The following UNKL variants were observed in gnomAD, a reference collection of about 807,000 sequenced individuals.
UNKL encodes the protein unk like zinc finger.
In UNKL, 60 loss-of-function variants were observed where a neutral mutation model predicts 78.0. That is an observed-to-expected ratio of 0.77 (90% confidence interval 0.63 to 0.95). The LOEUF (loss-of-function observed/expected upper bound fraction) is 0.95, where lower values mean the gene tolerates loss of function less well. Ranked by LOEUF, UNKL falls within the 40% of genes least tolerant of loss-of-function variation. The probability of loss-of-function intolerance (pLI) is 0.00; values close to 1 mark genes in which losing one functional copy is unlikely to be tolerated. For synonymous variants in UNKL, 608 were observed against 474.8 expected (o/e 1.28, Z -3.65); for missense variants, 1,159 against 1,045.7 (o/e 1.11, Z -1.49).
At chr16:1,390,851 G>A (rs372736278) in intron 8 of UNKL, among the ~76,000 whole-genome samples, 157 bp from the exon 9 acceptor site, 1 of 152,066 alleles carries the variant, frequency 6.6e-6, no homozygotes, top group African/African-American at 2.4e-5. Context: ...CCAACATGGT[G>A]AAAACCTGTC....
Position 1,399,109 on chromosome 16 carries a change from G to A in UNKL, c.734+265C>T, listed in dbSNP as rs910618650. On this transcript the variant is annotated intron_variant, in intron 5 of 14. Transcript: ENST00000389221. The surrounding 1 kb of genome is among the most constrained non-coding windows in gnomAD (Gnocchi z 5.8). The stretch of plus-strand genomic sequence containing the variant: ...CTTGGGGTCCCTCCTGCAGTGCTCC[G>A]TCCCCTTGCCTGGCAGAGGGGCCCC... The A allele has an allele frequency of 1.1e-5, 13 of 1,208,866 alleles. No homozygotes were observed. Among genetic ancestry groups the A allele is most frequent in the South Asian group, 3.2e-5 (2 of 62,054 alleles). 74.9% of individuals were successfully genotyped at this position (1,208,866 alleles called of 1,614,324 possible). A position where few individuals can be genotyped will look rare whatever the true frequency, so the allele number is the denominator to read the frequency against.
intron 10 of UNKL, among the ~76,000 whole-genome samples, chr16:1,377,086 G>A (rs1596682236): frequency 2.6e-5 from 4 of 151,924 alleles, no homozygotes; most frequent in Admixed American, 6.6e-5. Flanking sequence ...GCAATGGCGC[G>A]ATCTCAGCTC....
In UNKL at chr16:1,370,292, G is replaced by C; in HGVS notation, c.1423C>G (p.Leu475Val). The change falls in exon 12 of 15, where the codon CTA becomes GTA. Residue 475 changes from leucine (L) to valine (V), a missense_variant. Physicochemically the swap from Leu to Val is conservative, Grantham distance 32. Coordinates refer to ENST00000389221, the MANE Select transcript of UNKL (RefSeq NM_001372107.1). The part of the protein sequence containing the change: ...IPGSLPRAPS[L>V]HSPSSASTSP... Reference sequence around the variant, plus strand: ...GTGGACGCAGAGGATGGCGAGTGTAGCGATGGTGCTCTGGGCAGGGAGCCG... The same window carrying C: ...GTGGACGCAGAGGATGGCGAGTGTACCGATGGTGCTCTGGGCAGGGAGCCG... 6.5e-7 allele frequency: 1 copy of C among 1,534,586 alleles called. No individual in the cohort carries two copies. The highest frequency in any genetic ancestry group is 1.4e-5 in the African/African-American group (1 of 73,112).
chr16:1,412,567 G>C (rs2038088336), intron 2 of UNKL, among the ~76,000 whole-genome samples: 1 of 152,260 alleles, frequency 6.6e-6, no homozygotes, highest in Non-Finnish European at 1.5e-5. Flanking sequence ...CCAAGATCAA[G>C]TCACTGCACT....
chr16:1,403,025 C>A lies in UNKL; in HGVS notation c.464+143G>T. 9.0e-7 allele frequency: 1 copy of A among 1,112,982 alleles called. No individual in the cohort carries two copies. The highest frequency in any genetic ancestry group is 1.7e-5 in the South Asian group (1 of 60,410). The allele number at this position is 1,112,982 out of a possible 1,614,324, so 68.9% of individuals were successfully genotyped here. A position where few individuals can be genotyped will look rare whatever the true frequency, so the allele number is the denominator to read the frequency against. ...CAAAAAAAGGACTAACATCCAGACT[C>A]AGAAAGAAATTCTGGAGGAGAGAGA... On this transcript the variant is annotated intron_variant, in intron 3 of 14. Transcript: ENST00000389221. This position sits in a 1 kb window ranked among gnomAD's most constrained non-coding sequence, Gnocchi z 4.8.
chr16:1,366,339 A>G lies in UNKL; in HGVS notation c.2103T>C (p.Gly701=), dbSNP rs1329829940. 1.9e-6 allele frequency: 3 copies of G among 1,604,534 alleles called. No homozygotes were observed. The Admixed American group carries it at 5.1e-5, about 27-fold the overall frequency. ...QCVACRERAH[G]AVLRPCQHHI... is the part of the protein sequence containing the mutation. ...GGTGCTGACAGGGCCGCAGGACAGC[A>G]CCGTGGGCCCGCTCCCGGCAGGCCA... The change falls in exon 15 of 15, where the codon GGT becomes GGC. Residue 701 remains glycine (G), a synonymous_variant. Coordinates refer to ENST00000389221, the MANE Select transcript of UNKL (RefSeq NM_001372107.1).
rs753425895 is a variant in UNKL, at chr16:1,403,296, G to A, written c.336C>T (p.His112=). The change falls in exon 3 of 15, where the codon CAC becomes CAT. Residue 112 remains histidine (H), a synonymous_variant. Transcript: ENST00000389221. The surrounding 1 kb of genome is among the most constrained non-coding windows in gnomAD (Gnocchi z 4.8). Reference sequence around the variant, plus strand: ...AGGTTCCTGTTTTGTAGTAACGCAGGTGGTACTTGCGTTCTGTGTCCCCCG... The same window carrying A: ...AGGTTCCTGTTTTGTAGTAACGCAGATGGTACTTGCGTTCTGTGTCCCCCG... ...RTTGDTERKY[H]LRYYKTGTCI... 1 of 1,614,206 alleles carries A rather than the reference G, an allele frequency of 6.2e-7. No individual in the cohort carries two copies. The highest frequency in any genetic ancestry group is 1.7e-5 in the Admixed American group (1 of 60,022).
chr16:1,371,781 C>T (rs1007075142), intron 10 of UNKL, among the ~76,000 whole-genome samples, 170 bp from the exon 11 acceptor site: 6 of 152,152 alleles, frequency 3.9e-5, no homozygotes, highest in Non-Finnish European at 7.3e-5. Flanking sequence ...TCCTCGCAGC[C>T]CCCCACAGGC....
chr16:1,366,144 A>AC lies in UNKL; in HGVS notation c.*95dup, dbSNP rs1480288552. 155 of 1,355,670 alleles carry AC rather than the reference A, an allele frequency of 1.1e-4. No homozygotes were observed. In the East Asian group the frequency reaches 3.9e-3, roughly 34 times the overall value. The allele number at this position is 1,355,670 out of a possible 1,614,324, so 84.0% of individuals were successfully genotyped here. A position where few individuals can be genotyped will look rare whatever the true frequency, so the allele number is the denominator to read the frequency against. On this transcript the variant is annotated 3_prime_UTR_variant, in exon 15 of 15. Transcript: ENST00000389221. Reference sequence around the variant, plus strand: ...GGAAGGGCTCCCAGCCTCGGTCCTCACGTCGGTGGCACCAGAAGCGAGTGA... The same window carrying AC: ...GGAAGGGCTCCCAGCCTCGGTCCTCACCGTCGGTGGCACCAGAAGCGAGTGA...
chr16:1,367,982 A>G, intron 12 of UNKL, 124 bp from the exon 13 acceptor site: 4 of 864,046 alleles, frequency 4.6e-6, no homozygotes, highest in Non-Finnish European at 7.2e-6. Flanking sequence ...CTGCCCTGGC[A>G]GCAGGGGTGC....
chr16:1,367,166 T>C lies in UNKL; in HGVS notation c.1972A>G (p.Ile658Val), dbSNP rs781523912. The change falls in exon 14 of 15, where the codon ATC becomes GTC. Residue 658 changes from isoleucine to valine, a missense_variant. Ile to Val is a conservative substitution (Grantham distance 29). Coordinates refer to ENST00000389221, the MANE Select transcript of UNKL (RefSeq NM_001372107.1). ...AGCTTCGGCAGGGGAATGGTGCCGATGTCCCCACAGCCCCGCAGCCCCGGC... is the reference window on the plus strand; with the variant it reads ...AGCTTCGGCAGGGGAATGGTGCCGACGTCCCCACAGCCCCGCAGCCCCGGC... ...TLPGLRGCGD[I>V]GTIPLPKLHS... is the part of the protein sequence containing the mutation. 1.1e-5 allele frequency: 18 copies of C among 1,605,430 alleles called. No homozygotes were observed. The highest frequency in any genetic ancestry group is 5.0e-5 in the Admixed American group (3 of 59,458).
In UNKL at chr16:1,414,012, G is replaced by A. The variant is rs1346045636; in HGVS notation, c.121C>T (p.Gln41Ter). ...GGCCGGTGCTGCGCGCACTTGTGCT[G>A]TGAAAACAGGGGGCACTGCTCCGTC... ...FRTEQCPLFS[Q>*]HKCAQHRPFT... The change falls in exon 2 of 15, where the codon CAG becomes TAG. Residue 41 changes from glutamine to a stop codon, truncating the protein, a stop_gained. Coordinates refer to ENST00000389221, the MANE Select transcript of UNKL (RefSeq NM_001372107.1). LOFTEE classifies it high-confidence loss of function. 2 of 1,551,322 alleles carry A rather than the reference G, an allele frequency of 1.3e-6. No individual in the cohort carries two copies. The highest frequency in any genetic ancestry group is 1.7e-6 in the Non-Finnish European group (2 of 1,147,282).
At chr16:1,376,449 T>A in intron 10 of UNKL, among the ~76,000 whole-genome samples, 1 of 144,240 alleles carries the variant, frequency 6.9e-6, no homozygotes, top group South Asian at 2.3e-4. Context: ...TTTCCAGGGC[T>A]GGCACACTCC....
intron 10 of UNKL, among the ~76,000 whole-genome samples, chr16:1,376,616 A>G (rs1596679975): frequency 6.6e-6 from 1 of 152,108 alleles, no homozygotes; most frequent in African/African-American, 2.4e-5. Context: ...TCACTGGCTC[A>G]GGGTCCCACC....
At chr16:1,380,599 C>A (rs1237626495) in intron 10 of UNKL, among the ~76,000 whole-genome samples, 1 of 147,900 alleles carries the variant, frequency 6.8e-6, no homozygotes, top group Non-Finnish European at 1.5e-5. Flanking sequence ...CAATACATTG[C>A]CTCTAACTAA....
rs1218017175 is a variant in UNKL, at chr16:1,365,386, G to A, written c.*854C>T. On this transcript the variant is annotated 3_prime_UTR_variant, in exon 15 of 15. Coordinates refer to ENST00000389221, the MANE Select transcript of UNKL (RefSeq NM_001372107.1). ...TCAAACTGTCTTTCAGAGGGTTAAG[G>A]GAGAAAACAAAACCCATGATGCTCC... The A allele has an allele frequency of 6.6e-6, 1 of 152,234 alleles. No homozygotes were observed. Among genetic ancestry groups the A allele is most frequent in the Non-Finnish European group, 1.5e-5 (1 of 68,032 alleles). The allele number at this position is 152,234 out of a possible 1,614,324, so 9.4% of individuals were successfully genotyped here.
chr16:1,367,629 A>T (rs1436975514), intron 13 of UNKL, 27 bp downstream of exon 13: 2 of 807,186 alleles, frequency 2.5e-6, no homozygotes, highest in Admixed American at 2.9e-5. Flanking sequence ...CCTCCCCCTC[A>T]CCTGTCTGGC....
intron 5 of UNKL, chr16:1,398,758 G>T: frequency 6.5e-7 from 1 of 1,532,104 alleles, no homozygotes; most frequent in South Asian, 1.2e-5. Context: ...GGCCGGGCTG[G>T]AGCAAGGAGG....
intron 5 of UNKL, chr16:1,398,887 C>T (rs763230674): frequency 3.0e-5 from 47 of 1,573,984 alleles, no homozygotes; most frequent in Non-Finnish European, 3.5e-5. Flanking sequence ...GCAGGGCGAC[C>T]CTTGGGTTGT....
Sources: allele counts gnomAD v4.1 joint callset (sites outside exome capture counted in the v4.1 genomes callset), GRCh38; gene constraint gnomAD v4.1.1; non-coding constraint Gnocchi (gnomAD v3.1); transcripts MANE v1.5; gene names NCBI Gene and HGNC (gene_info 2026-07-23, HGNC 2026-07-21).